Variants in SEMA3A observed in about 807,000 individuals in gnomAD.
SEMA3A encodes the protein semaphorin-3A.
In SEMA3A, 29 loss-of-function variants were observed where a neutral mutation model predicts 97.9. That is an observed-to-expected ratio of 0.30 (90% confidence interval 0.22 to 0.40). The LOEUF (loss-of-function observed/expected upper bound fraction) is 0.40. Ranked by LOEUF, SEMA3A falls within the 10% of genes least tolerant of loss-of-function variation. The probability of loss-of-function intolerance (pLI) is 1.00; values close to 1 mark genes in which losing one functional copy is unlikely to be tolerated. For synonymous variants in SEMA3A, 321 were observed against 323.7 expected (o/e 0.99, Z 0.09); for missense variants, 763 against 951.3 (o/e 0.80, Z 2.60).
intron 2 of SEMA3A, among the ~76,000 whole-genome samples, chr7:84,368,286 T>G (rs1413449735): frequency 1.3e-5 from 2 of 151,208 alleles, no homozygotes; most frequent in Non-Finnish European, 3.0e-5. Context: ...TTATGAAATT[T>G]AATCCTTTAT....
intron 3 of SEMA3A, among the ~76,000 whole-genome samples, chr7:84,303,947 A>G (rs1234363654): frequency 2.0e-5 from 3 of 152,098 alleles, no homozygotes; most frequent in African/African-American, 7.2e-5. Context: ...GGGAGTATCC[A>G]TCCTAACATT....
intron 3 of SEMA3A, among the ~76,000 whole-genome samples, chr7:84,117,948 A>G (rs775019186): frequency 1.1e-4 from 16 of 152,238 alleles, no homozygotes; most frequent in Non-Finnish European, 1.9e-4. Flanking sequence ...GTAACTGGTT[A>G]TCCAATTCTT....
chr7:84,016,657 A>C (rs970509147), intron 6 of SEMA3A, among the ~76,000 whole-genome samples: 2 of 152,248 alleles, frequency 1.3e-5, no homozygotes, highest in African/African-American at 4.8e-5. Flanking sequence ...CATACTTTTC[A>C]AATTATGTTT....
At chr7:84,173,018 G>A (rs34657298) in intron 1 of SEMA3A, among the ~76,000 whole-genome samples, 12,600 of 152,132 alleles carry the variant, frequency 0.083, 568 homozygotes, top group South Asian at 0.13. Flanking sequence ...TTGTGTTCCT[G>A]TCCACAAGGT....
At chr7:84,214,222 C>T (rs1798693906) in intron 3 of SEMA3A, among the ~76,000 whole-genome samples, 2 of 152,142 alleles carry the variant, frequency 1.3e-5, no homozygotes, top group Admixed American at 1.3e-4. Context: ...AATGACCAAA[C>T]TAAGCCTGGG....
chr7:84,143,996 A>C (rs1400076196), intron 1 of SEMA3A, among the ~76,000 whole-genome samples: 1 of 103,524 alleles, frequency 9.7e-6, no homozygotes, highest in Non-Finnish European at 2.1e-5. Context: ...CACACACACA[A>C]TTTATTGTGT....
intron 1 of SEMA3A, among the ~76,000 whole-genome samples, chr7:84,142,196 G>A (rs17158668): frequency 0.22 from 34,179 of 151,960 alleles, 3,973 homozygotes; most frequent in African/African-American, 0.27. Flanking sequence ...ATCACTTAAC[G>A]GTCATTCACC....
chr7:84,305,642 A>G (rs1329936092), intron 3 of SEMA3A, among the ~76,000 whole-genome samples: 1 of 152,032 alleles, frequency 6.6e-6, no homozygotes, highest in Non-Finnish European at 1.5e-5. Flanking sequence ...TGACAGTGAC[A>G]CCAGCTCTAT....
At chr7:84,263,466 T>C (rs1346326039) in intron 3 of SEMA3A, among the ~76,000 whole-genome samples, 2 of 152,236 alleles carry the variant, frequency 1.3e-5, no homozygotes, top group Non-Finnish European at 2.9e-5. Flanking sequence ...AGTTTCCCCA[T>C]TGAGATATTT....
chr7:84,442,587 A>G (rs1019396848), intron 1 of SEMA3A, among the ~76,000 whole-genome samples: 1 of 152,150 alleles, frequency 6.6e-6, no homozygotes, highest in Non-Finnish European at 1.5e-5. Context: ...TAAAAAACAA[A>G]TAGTAAAATA....
chr7:84,005,685 C>T (rs1790638277), intron 10 of SEMA3A, 127 bp from the exon 11 acceptor site: 1 of 639,962 alleles, frequency 1.6e-6, no homozygotes, highest in African/African-American at 1.8e-5. Flanking sequence ...TGGTAGCTCA[C>T]ACCTCTAATC....
intron 3 of SEMA3A, among the ~76,000 whole-genome samples, chr7:84,296,185 A>C (rs1037780446): frequency 2.6e-5 from 4 of 152,084 alleles, no homozygotes; most frequent in Admixed American, 6.6e-5. Context: ...TAAAATATGA[A>C]CGTATTTTTT....
At chr7:84,225,954 T>G (rs191931668) in intron 3 of SEMA3A, among the ~76,000 whole-genome samples, 3 of 152,224 alleles carry the variant, frequency 2.0e-5, no homozygotes, top group Non-Finnish European at 2.9e-5. Context: ...ATTTATTAGT[T>G]GGCTATGTGG....
intron 1 of SEMA3A, among the ~76,000 whole-genome samples, chr7:84,424,972 A>G (rs1474426177): frequency 1.9e-5 from 2 of 102,778 alleles, no homozygotes; most frequent in South Asian, 3.2e-4. Flanking sequence ...TAATTTATAT[A>G]TTTATAATTT....
At chr7:84,398,490 C>A (rs1803801370) in intron 1 of SEMA3A, among the ~76,000 whole-genome samples, 1 of 151,978 alleles carries the variant, frequency 6.6e-6, no homozygotes, top group Non-Finnish European at 1.5e-5. Flanking sequence ...AAAAATCAAA[C>A]TTAAGGTCTA....
chr7:84,037,962 C>T (rs1033982219), intron 6 of SEMA3A, among the ~76,000 whole-genome samples: 1 of 151,878 alleles, frequency 6.6e-6, no homozygotes, highest in Non-Finnish European at 1.5e-5. Context: ...CATCTAGATA[C>T]ACATCTTCTT....
chr7:84,192,222 T>TA (rs1158496419), intron 1 of SEMA3A, among the ~76,000 whole-genome samples: 3 of 152,054 alleles, frequency 2.0e-5, no homozygotes, highest in South Asian at 2.1e-4. Flanking sequence ...GAAGTAGCTT[T>TA]AAAAAAATCT....
intron 1 of SEMA3A, among the ~76,000 whole-genome samples, chr7:84,423,366 A>C (rs2116285954): frequency 6.6e-6 from 1 of 152,118 alleles, no homozygotes; most frequent in Non-Finnish European, 1.5e-5. Flanking sequence ...CCATTTCTTA[A>C]AAATACTGGG....
chr7:84,289,682 A>G (rs1490792541), intron 3 of SEMA3A, among the ~76,000 whole-genome samples: 1 of 152,106 alleles, frequency 6.6e-6, no homozygotes, highest in Non-Finnish European at 1.5e-5. Flanking sequence ...AGAATGTAAA[A>G]TGATTTTAGC....
Sources: gnomAD v4.1 joint callset for allele counts (sites outside exome capture counted in the v4.1 genomes callset) on GRCh38, gnomAD v4.1.1 for gene constraint, MANE v1.5 for transcripts, NCBI Gene and HGNC (gene_info 2026-07-23, HGNC 2026-07-21) for gene names.